The following RARB variants were observed in gnomAD, a reference collection of about 807,000 sequenced individuals.
RARB encodes the protein HBV-activated protein.
A neutral mutation model predicts 51.9 loss-of-function variants in RARB; 17 were observed. The observed-to-expected ratio is 0.33, with a 90% CI of 0.22 to 0.49. The LOEUF (loss-of-function observed/expected upper bound fraction) is 0.49, where lower values mean the gene tolerates loss of function less well. Ranked by LOEUF, RARB falls within the 20% of genes least tolerant of loss-of-function variation. The probability of loss-of-function intolerance (pLI) is 0.99; values close to 1 mark genes in which losing one functional copy is unlikely to be tolerated. For synonymous variants in RARB, 215 were observed against 195.4 expected (o/e 1.10, Z -0.84); for missense variants, 369 against 550.8 (o/e 0.67, Z 3.30).
At chr3:25,058,919 T>C (rs1698494536) in intron 2 of RARB, among the ~76,000 whole-genome samples, 1 of 151,626 alleles carries the variant, frequency 6.6e-6, no homozygotes, top group South Asian at 2.1e-4. Context: ...AAATATGCAA[T>C]CAATGTAGAA....
chr3:25,320,972 C>T (rs1226696565), intron 5 of RARB, among the ~76,000 whole-genome samples: 2 of 152,184 alleles, frequency 1.3e-5, no homozygotes, highest in Non-Finnish European at 2.9e-5. Flanking sequence ...TTTAAGCATG[C>T]TCATTCTTTA....
intron 5 of RARB, among the ~76,000 whole-genome samples, chr3:25,370,581 G>T (rs1706268542): frequency 6.6e-6 from 1 of 152,168 alleles, no homozygotes; most frequent in African/African-American, 2.4e-5. Flanking sequence ...AGTCCCTTCT[G>T]ACTCCAGCAT....
chr3:25,041,088 C>A (rs959325730), intron 2 of RARB, among the ~76,000 whole-genome samples: 1 of 152,156 alleles, frequency 6.6e-6, no homozygotes, highest in African/African-American at 2.4e-5. Context: ...TTTCTTCTTA[C>A]AACTTAAAAT....
intron 2 of RARB, among the ~76,000 whole-genome samples, chr3:25,468,315 T>C (rs546368903): frequency 1.3e-5 from 2 of 150,198 alleles, no homozygotes; most frequent in Admixed American, 6.7e-5. Context: ...AAGTGTGGAG[T>C]AGAGGGAAGA....
chr3:25,293,142 T>C (rs1173588196), intron 5 of RARB, among the ~76,000 whole-genome samples: 1 of 152,160 alleles, frequency 6.6e-6, no homozygotes, highest in Non-Finnish European at 1.5e-5. Flanking sequence ...ATGTAGAATT[T>C]TTCGCCGTAT....
intron 3 of RARB, among the ~76,000 whole-genome samples, chr3:25,091,949 G>A (rs961081396): frequency 6.6e-6 from 1 of 152,132 alleles, no homozygotes; most frequent in Admixed American, 6.6e-5. Context: ...AGAATCTGAG[G>A]GATGGTGTCG....
rs1177473235 is a variant in RARB, at chr3:24,882,082, AAG to A, written c.-380+23334_-380+23335del. Among the ~76,000 whole-genome samples, 5 of 152,340 alleles carry A rather than the reference AAG, an allele frequency of 3.3e-5. No homozygotes were observed. In the East Asian group the frequency reaches 9.6e-4, roughly 29 times the overall value. On this transcript the variant is annotated intron_variant, in intron 2 of 11. Coordinates refer to the RARB transcript ENST00000383772. The stretch of plus-strand genomic sequence containing the variant: ...TAATAGTGACTTGTATTTGGAGAAT[AAG>A]AGAATAATGTCTATAGGAGGCTGAT...
intron 3 of RARB, among the ~76,000 whole-genome samples, chr3:25,558,635 C>T (rs1265183143): frequency 6.7e-6 from 1 of 148,634 alleles, no homozygotes; most frequent in African/African-American, 2.5e-5. Context: ...AATAATCTAA[C>T]TTTGGAGGTG....
chr3:24,989,543 AATAT>A (rs1696866482), intron 2 of RARB, among the ~76,000 whole-genome samples: 1 of 109,208 alleles, frequency 9.2e-6, no homozygotes. Flanking sequence ...CTAGGTTTGA[AATAT>A]CATCTCCCCT....
intron 5 of RARB, among the ~76,000 whole-genome samples, chr3:25,383,986 A>G (rs1706712785): frequency 6.6e-6 from 1 of 152,148 alleles, no homozygotes; most frequent in Non-Finnish European, 1.5e-5. Context: ...GTACATAGGT[A>G]TTAGACTACA....
intron 5 of RARB, among the ~76,000 whole-genome samples, chr3:25,249,296 ATC>A (rs1437522829): frequency 1.3e-5 from 2 of 152,010 alleles, no homozygotes; most frequent in Non-Finnish European, 2.9e-5. Context: ...TTATTATGAT[ATC>A]TGTCTCTTAA....
chr3:24,964,699 A>T (rs1300068138), intron 2 of RARB, among the ~76,000 whole-genome samples: 1 of 152,166 alleles, frequency 6.6e-6, no homozygotes, highest in East Asian at 1.9e-4. Flanking sequence ...GACTAATCTG[A>T]TGATTTTTCA....
chr3:25,253,235 T>C (rs1274716393), intron 5 of RARB, among the ~76,000 whole-genome samples: 1 of 152,158 alleles, frequency 6.6e-6, no homozygotes, highest in African/African-American at 2.4e-5. Flanking sequence ...ACACATGTGT[T>C]TTTTTATTCT....
chr3:25,180,679 T>C (rs1199109837), intron 5 of RARB, among the ~76,000 whole-genome samples: 1 of 152,168 alleles, frequency 6.6e-6, no homozygotes, highest in African/African-American at 2.4e-5. Flanking sequence ...CATTCTGTCT[T>C]TGTTTCTCTG....
At chr3:24,978,044 G>A (rs570237911) in intron 2 of RARB, among the ~76,000 whole-genome samples, 6 of 152,176 alleles carry the variant, frequency 3.9e-5, no homozygotes, top group East Asian at 1.9e-4. Flanking sequence ...TTTATGTGAC[G>A]GATTACATTT....
At chr3:24,838,374 T>C (rs138207264) in intron 1 of RARB, among the ~76,000 whole-genome samples, 56 of 152,304 alleles carry the variant, frequency 3.7e-4, no homozygotes, top group Non-Finnish European at 5.7e-4. Context: ...AGGTAACTTA[T>C]TCACAGGAGC....
intron 2 of RARB, among the ~76,000 whole-genome samples, chr3:24,899,970 A>C (rs1417995887): frequency 6.6e-6 from 1 of 152,058 alleles, no homozygotes; most frequent in Non-Finnish European, 1.5e-5. Context: ...GCACATTTAT[A>C]TTGCAAGACA....
chr3:25,242,028 A>T (rs1575248704), intron 5 of RARB, among the ~76,000 whole-genome samples: 1 of 152,096 alleles, frequency 6.6e-6, no homozygotes, highest in Admixed American at 6.5e-5. Flanking sequence ...ATGGTATCTC[A>T]TTGTGGTTTT....
At chr3:25,062,492 T>A (rs1698570199) in intron 3 of RARB, among the ~76,000 whole-genome samples, 1 of 151,968 alleles carries the variant, frequency 6.6e-6, no homozygotes, top group African/African-American at 2.4e-5. Context: ...TTCTACAAGG[T>A]TACTTAAGTT....
Sources: gnomAD v4.1 joint callset for allele counts (sites outside exome capture counted in the v4.1 genomes callset) on GRCh38, gnomAD v4.1.1 for gene constraint, MANE v1.5 for transcripts, NCBI Gene and HGNC (gene_info 2026-07-23, HGNC 2026-07-21) for gene names.